TSPEAR: variants seen among roughly 807,000 people sequenced by gnomAD.
TSPEAR encodes the protein thrombospondin type laminin G domain and EAR repeats, also known as thrombospondin-type laminin G domain and EAR repeat-containing protein.
A neutral mutation model predicts 71.6 loss-of-function variants in TSPEAR; 69 were observed. That is an observed-to-expected ratio of 0.96 (90% CI 0.79 to 1.18). The LOEUF is 1.18. TSPEAR is among the 50% of genes most tolerant of loss of function. TSPEAR has a pLI of 0.00. For synonymous variants in TSPEAR, 402 were observed against 387.2 expected (o/e 1.04, Z -0.45); for missense variants, 971 against 894.9 (o/e 1.09, Z -1.09).
At chr21:44,697,705 G>A (rs1555950931) in intron 1 of TSPEAR, 2 of 1,612,092 alleles carry the variant, frequency 1.2e-6, no homozygotes, top group East Asian at 2.2e-5. Context: ...TCTGCTCTGG[G>A]GCCTCCTCTC....
chr21:44,698,048 T>C (rs1987468963), intron 1 of TSPEAR: 1 of 1,330,288 alleles, frequency 7.5e-7, no homozygotes, highest in Non-Finnish European at 1.0e-6. Flanking sequence ...GCTGCTCTGG[T>C]GTCTGTCTCT....
chr21:44,592,787 C>T (rs1343313971), intron 1 of TSPEAR, among the ~76,000 whole-genome samples: 3 of 152,178 alleles, frequency 2.0e-5, no homozygotes, highest in Non-Finnish European at 4.4e-5. Flanking sequence ...GCATCGTCCA[C>T]CCCTGGCCCC....
chr21:44,698,084 T>C (rs1987471549), intron 1 of TSPEAR: 5 of 1,035,626 alleles, frequency 4.8e-6, no homozygotes, highest in Non-Finnish European at 7.0e-6. Context: ...GCACAGCCTC[T>C]CTTCCCCTAA....
chr21:44,637,363 T>TCACACACTCACACACACACTCACA (rs1170414529), intron 1 of TSPEAR: 1 of 1,571,708 alleles, frequency 6.4e-7, no homozygotes, highest in African/African-American at 1.3e-5. Flanking sequence ...ACACACTCAC[T>TCACACACTCACACACACACTCACA]CACACACTCA....
chr21:44,538,567 G>A (rs1226532287), intron 2 of TSPEAR, among the ~76,000 whole-genome samples: 3 of 146,812 alleles, frequency 2.0e-5, no homozygotes, highest in Admixed American at 6.7e-5. Context: ...CTCTCCCCTC[G>A]CATTGCTGCT....
At chr21:44,513,256 T>C (rs1378726725) in intron 9 of TSPEAR, among the ~76,000 whole-genome samples, 7 of 152,126 alleles carry the variant, frequency 4.6e-5, no homozygotes, top group Non-Finnish European at 1.0e-4. Flanking sequence ...CCCTTGCAGG[T>C]TGGAGTGAAC....
chr21:44,532,399 A>AGCT (rs1555915867), intron 3 of TSPEAR, among the ~76,000 whole-genome samples: 1 of 152,184 alleles, frequency 6.6e-6, no homozygotes, highest in Non-Finnish European at 1.5e-5. Context: ...CGGGGTGGGA[A>AGCT]GCTGCTGCTA....
At chr21:44,558,184 A>G (rs782582545) in intron 2 of TSPEAR, 2 of 1,548,494 alleles carry the variant, frequency 1.3e-6, no homozygotes, top group South Asian at 1.2e-5. Flanking sequence ...GCAGGGGCAC[A>G]GCAGGAGGGG....
At chr21:44,652,220 T>A (rs1481876818) in intron 1 of TSPEAR, among the ~76,000 whole-genome samples, 3 of 152,218 alleles carry the variant, frequency 2.0e-5, no homozygotes, top group African/African-American at 4.8e-5. Context: ...CCTGACCTCG[T>A]GATCCGCCCG....
intron 1 of TSPEAR, among the ~76,000 whole-genome samples, chr21:44,708,526 G>A (rs1243432751): frequency 6.6e-6 from 1 of 152,158 alleles, no homozygotes; most frequent in Non-Finnish European, 1.5e-5. Flanking sequence ...TTGCAAAGAG[G>A]CTCCAGCCAG....
chr21:44,689,010 GCACCAGGCCAACCTCCC>G (rs1268745530), intron 1 of TSPEAR, among the ~76,000 whole-genome samples: 30 of 152,126 alleles, frequency 2.0e-4, no homozygotes, highest in South Asian at 1.2e-3. Flanking sequence ...CGAGCATAGA[GCACCAGGCCAACCTCCC>G]CACTCAGGTG....
At chr21:44,682,148 G>A (rs370706746) in intron 1 of TSPEAR, 31 of 1,608,862 alleles carry the variant, frequency 1.9e-5, no homozygotes, top group Non-Finnish European at 2.5e-5. Flanking sequence ...GGATAAGGTC[G>A]AGGCAGAGGG....
At chr21:44,540,195 AGTGT>A in intron 2 of TSPEAR, 1 of 1,592,308 alleles carries the variant, frequency 6.3e-7, no homozygotes, top group Non-Finnish European at 8.6e-7. Flanking sequence ...TGAGTGAGTG[AGTGT>A]GGGAGTCAGT....
intron 3 of TSPEAR, among the ~76,000 whole-genome samples, chr21:44,531,528 CTGTT>C (rs1234996140): frequency 6.6e-6 from 1 of 152,228 alleles, no homozygotes; most frequent in African/African-American, 2.4e-5. Flanking sequence ...TGCAAAGACT[CTGTT>C]TCCAGGTAAG....
intron 9 of TSPEAR, among the ~76,000 whole-genome samples, chr21:44,512,775 G>T (rs782643021): frequency 1.3e-5 from 2 of 151,732 alleles, no homozygotes; most frequent in Non-Finnish European, 2.9e-5. Flanking sequence ...GGAAGAGCAC[G>T]TGTCAGCTGT....
chr21:44,518,914 G>A, intron 9 of TSPEAR: 1 of 271,224 alleles, frequency 3.7e-6, no homozygotes, highest in South Asian at 3.6e-5. Context: ...GACTGGTGTG[G>A]AGCCCCGGGT....
rs587610456 is a variant in TSPEAR at position 44,564,936 on chromosome 21, T to C, written c.303+2849A>G. On this transcript the variant is annotated intron_variant, in intron 2 of 11. Transcript: ENST00000323084. ...AAAGACAGAAATAATGCAAAGTATG[T>C]ATTCTGGCCACAATAAAATAAAATT... 6.6e-5 allele frequency among the ~76,000 whole-genome samples: 10 copies of C among 152,186 alleles called. No homozygotes were observed. The South Asian group carries it at 2.1e-3, about 32-fold the overall frequency.
chr21:44,661,770 G>A (rs190885994), intron 1 of TSPEAR, among the ~76,000 whole-genome samples: 2 of 152,106 alleles, frequency 1.3e-5, no homozygotes, highest in Non-Finnish European at 2.9e-5. Flanking sequence ...AGAGAAAGAC[G>A]GGGCTGGGGG....
chr21:44,580,159 G>A, intron 1 of TSPEAR: 1 of 1,613,738 alleles, frequency 6.2e-7, no homozygotes, highest in Non-Finnish European at 8.5e-7. Context: ...TGGGCACACA[G>A]CACACGGGCT....
Sources: gnomAD v4.1 joint callset for allele counts (sites outside exome capture counted in the v4.1 genomes callset) on GRCh38, gnomAD v4.1.1 for gene constraint, MANE v1.5 for transcripts, NCBI Gene and HGNC (gene_info 2026-07-23, HGNC 2026-07-21) for gene names.